Variants in DIPK1A observed in about 807,000 individuals in gnomAD.
DIPK1A encodes the protein family with sequence similarity 69 member A.
Under a neutral mutation model 40.8 loss-of-function variants are expected in DIPK1A, and 27 were observed. The observed-to-expected ratio is 0.66, with a 90% CI of 0.49 to 0.91. The LOEUF (loss-of-function observed/expected upper bound fraction) is 0.91, where lower values mean the gene tolerates loss of function less well. Ranked by LOEUF, DIPK1A falls within the 40% of genes least tolerant of loss-of-function variation. The probability of loss-of-function intolerance (pLI) is 0.00; values close to 1 mark genes in which losing one functional copy is unlikely to be tolerated. For missense variants in DIPK1A, 412 were observed against 505.7 expected (o/e 0.81, Z 1.78); for synonymous variants, 166 against 171.3 (o/e 0.97, Z 0.24).
chr1:92,932,402 C>G (rs1650785567), intron 1 of DIPK1A: 1 of 152,212 alleles, frequency 6.6e-6, no homozygotes, highest in Admixed American at 6.6e-5. Context: ...GATCACGCCA[C>G]TGCACTCCAG....
Position 92,834,928 on chromosome 1 carries a change from A to AT in DIPK1A, c.475-1895dup. On this transcript the variant is annotated intron_variant, in intron 4 of 4. Transcript: ENST00000615519. ...TGGCCCGCAGGGTATGTACAAGATG[A>AT]TTTTAATTGATGTAGTTTGTGGCTG... is the stretch of plus-strand genomic sequence containing the variant. The AT allele has an allele frequency of 2.5e-6, 4 of 1,600,122 alleles. No homozygotes were observed. The African/African-American group carries it at 5.3e-5, about 21-fold the overall frequency.
chr1:92,837,564 GGAA>G (rs760810833), downstream of DIPK1A: 2 of 1,612,016 alleles, frequency 1.2e-6, no homozygotes, highest in Non-Finnish European at 1.7e-6. Flanking sequence ...GCTACTTAAT[GGAA>G]GAAGATGAAG....
chr1:92,914,493 G>A (rs1306237753), intron 1 of DIPK1A, among the ~76,000 whole-genome samples: 1 of 152,152 alleles, frequency 6.6e-6, no homozygotes, highest in South Asian at 2.1e-4. Flanking sequence ...GCACCGGCCA[G>A]GCACGGTGGC....
intron 1 of DIPK1A, among the ~76,000 whole-genome samples, chr1:92,909,018 T>C (rs1164370819): frequency 6.6e-6 from 1 of 152,128 alleles, no homozygotes; most frequent in African/African-American, 2.4e-5. Flanking sequence ...AATTTTAAAT[T>C]ACAAAACATT....
chr1:92,837,816 T>A, downstream of DIPK1A: 1 of 611,558 alleles, frequency 1.6e-6, no homozygotes, highest in Non-Finnish European at 2.9e-6. Context: ...CATCTGAAGA[T>A]TTGGCTACCT....
chr1:92,842,029 T>C (rs1687385609), downstream of DIPK1A: 1 of 781,896 alleles, frequency 1.3e-6, no homozygotes, highest in South Asian at 2.5e-5. Context: ...AAAACAAGTG[T>C]AACTAACTTT....
At chr1:92,912,423 C>A (rs976253124) in intron 1 of DIPK1A, among the ~76,000 whole-genome samples, 1 of 151,848 alleles carries the variant, frequency 6.6e-6, no homozygotes, top group African/African-American at 2.4e-5. Flanking sequence ...ATATGCCAAA[C>A]ATTAATGTAA....
intron 1 of DIPK1A, among the ~76,000 whole-genome samples, chr1:92,954,674 C>T (rs1032012525): frequency 1.3e-5 from 2 of 151,902 alleles, no homozygotes; most frequent in African/African-American, 2.4e-5. Context: ...CGTGCCCAGC[C>T]GACAACACCT....
chr1:92,840,560 A>G (rs1336022942), downstream of DIPK1A: 2 of 1,612,396 alleles, frequency 1.2e-6, no homozygotes, highest in Non-Finnish European at 8.5e-7. Flanking sequence ...GATGGAGGAG[A>G]TGTATAAGAA....
chr1:92,946,647 C>G (rs1651372859), intron 1 of DIPK1A, among the ~76,000 whole-genome samples: 1 of 152,092 alleles, frequency 6.6e-6, no homozygotes, highest in Non-Finnish European at 1.5e-5. Flanking sequence ...CTTGATAAAT[C>G]AAGAAACAGA....
chr1:92,916,533 C>G (rs560950240), intron 1 of DIPK1A, among the ~76,000 whole-genome samples: 1 of 152,078 alleles, frequency 6.6e-6, no homozygotes, highest in South Asian at 2.1e-4. Context: ...AACTCCTGAC[C>G]TCAGGTGATC....
At chr1:92,954,212 T>C (rs1651748779) in intron 1 of DIPK1A, among the ~76,000 whole-genome samples, 1 of 151,846 alleles carries the variant, frequency 6.6e-6, no homozygotes, top group Non-Finnish European at 1.5e-5. Flanking sequence ...CATATAATCC[T>C]AGCATTTTGG....
downstream of DIPK1A, chr1:92,842,020 A>G: frequency 1.3e-6 from 1 of 796,718 alleles, no homozygotes; most frequent in African/African-American, 1.8e-5. Context: ...TTCTCCAAGA[A>G]AACAAGTGTA....
chr1:92,866,317 G>A (rs1647541143), intron 2 of DIPK1A, among the ~76,000 whole-genome samples: 1 of 152,170 alleles, frequency 6.6e-6, no homozygotes, highest in Non-Finnish European at 1.5e-5. Context: ...GGCCAGGATG[G>A]TCTCAAACTC....
intron 1 of DIPK1A, among the ~76,000 whole-genome samples, chr1:92,894,049 T>A (rs1196042981): frequency 0.012 from 1,186 of 100,314 alleles, no homozygotes; most frequent in Non-Finnish European, 0.014. Context: ...CACACAATAA[T>A]AATGGGAGAC....
At chr1:92,908,118 T>C (rs1461540373) in intron 1 of DIPK1A, among the ~76,000 whole-genome samples, 1 of 152,110 alleles carries the variant, frequency 6.6e-6, no homozygotes, top group Admixed American at 6.5e-5. Flanking sequence ...GTTTTGAACA[T>C]GTTGAGAGTG....
intron 1 of DIPK1A, among the ~76,000 whole-genome samples, chr1:92,952,689 C>G (rs1651678787): frequency 6.6e-6 from 1 of 151,968 alleles, no homozygotes; most frequent in Non-Finnish European, 1.5e-5. Context: ...CACAATTTAA[C>G]ATTGATACAA....
At chr1:92,870,107 CACACACAT>C (rs985807785) in intron 2 of DIPK1A, among the ~76,000 whole-genome samples, 3 of 151,768 alleles carry the variant, frequency 2.0e-5, no homozygotes, top group African/African-American at 7.3e-5. Flanking sequence ...CACACACACA[CACACACAT>C]ATCTGTTGCT....
At chr1:92,959,838 C>T (rs964671342) in intron 1 of DIPK1A, among the ~76,000 whole-genome samples, 2 of 148,960 alleles carry the variant, frequency 1.3e-5, no homozygotes, top group South Asian at 2.1e-4. Flanking sequence ...ATCTCCGCTC[C>T]GGGGCTCAAG....
Sources: allele counts gnomAD v4.1 joint callset (sites outside exome capture counted in the v4.1 genomes callset), GRCh38; gene constraint gnomAD v4.1.1; transcripts MANE v1.5; gene names NCBI Gene and HGNC (gene_info 2026-07-23, HGNC 2026-07-21).